The following DCDC1 variants were observed in gnomAD, a reference collection of about 807,000 sequenced individuals.
DCDC1 encodes the protein doublecortin domain containing 1, also known as doublecortin domain-containing protein 1.
DCDC1 carries 200 observed loss-of-function variants against 178.3 expected under a neutral mutation model. The observed-to-expected ratio is 1.12, with a 90% confidence interval of 1.00 to 1.26. DCDC1 has a LOEUF of 1.26. Ranked by LOEUF, DCDC1 falls within the 50% of genes most tolerant of loss-of-function variation. The pLI is 0.00. For synonymous variants in DCDC1, 690 were observed against 604.8 expected (o/e 1.14, Z -2.07); for missense variants, 1,983 against 1,749.2 (o/e 1.13, Z -2.38).
chr11:31,093,279 G>T (rs1297855312), intron 16 of DCDC1, among the ~76,000 whole-genome samples: 2 of 152,118 alleles, frequency 1.3e-5, no homozygotes, highest in African/African-American at 2.4e-5. Context: ...ATAGCTAAGG[G>T]CAATCCAAAA....
At chr11:31,151,833 C>T (rs563677677) in intron 9 of DCDC1, among the ~76,000 whole-genome samples, 1 of 152,122 alleles carries the variant, frequency 6.6e-6, no homozygotes, top group South Asian at 2.1e-4. Flanking sequence ...CAATAGTTAT[C>T]GAAAGGTACA....
At chr11:31,234,584 C>G (rs1976222690) in intron 9 of DCDC1, among the ~76,000 whole-genome samples, 1 of 152,130 alleles carries the variant, frequency 6.6e-6, no homozygotes. Context: ...ACTAGTCAAT[C>G]CTTAAGAGAG....
intron 1 of DCDC1, among the ~76,000 whole-genome samples, chr11:31,355,025 T>C (rs527419220): frequency 6.6e-6 from 1 of 151,942 alleles, no homozygotes; most frequent in Non-Finnish European, 1.5e-5. Flanking sequence ...CCACTGTAAA[T>C]ATAAACTCAA....
At chr11:31,271,522 T>C (rs1945548899) in intron 7 of DCDC1, among the ~76,000 whole-genome samples, 1 of 152,224 alleles carries the variant, frequency 6.6e-6, no homozygotes. Context: ...TTTCTTTTCC[T>C]TTCTTCCCAT....
rs1266854149 is a variant in DCDC1 at position 30,915,573 on chromosome 11, C to T, written c.3591G>A (p.Val1197=). 2 of 1,613,934 alleles carry T rather than the reference C, an allele frequency of 1.2e-6. No individual in the cohort carries two copies. Among genetic ancestry groups the T allele is most frequent in the South Asian group, 2.2e-5 (2 of 91,086 alleles). ...QGPNLRSGME[V]VLVEKKSDGS... ...CATCAGATTTCTTCTCCACCAAAACCACCTCCATGCCTGATCGGAGATTGG... is the reference window on the plus strand; with the variant it reads ...CATCAGATTTCTTCTCCACCAAAACTACCTCCATGCCTGATCGGAGATTGG... The change falls in exon 27 of 39, where the codon GTG becomes GTA. Residue 1197 remains valine, a synonymous_variant. Transcript: ENST00000684477.
chr11:31,295,111 A>C (rs1037146676), intron 6 of DCDC1, among the ~76,000 whole-genome samples: 1 of 152,220 alleles, frequency 6.6e-6, no homozygotes, highest in African/African-American at 2.4e-5. Context: ...AAAATGTAGT[A>C]GTATTTGTAT....
At chr11:30,979,080 C>T (rs1321962491) in intron 20 of DCDC1, among the ~76,000 whole-genome samples, 1 of 152,162 alleles carries the variant, frequency 6.6e-6, no homozygotes, top group African/African-American at 2.4e-5. Flanking sequence ...TGCCCATTAA[C>T]CTCTACTCTC....
intron 11 of DCDC1, among the ~76,000 whole-genome samples, chr11:31,114,866 C>T (rs533338520): frequency 8.0e-4 from 122 of 152,194 alleles, no homozygotes; most frequent in African/African-American, 2.9e-3. Flanking sequence ...AAAGGCAATC[C>T]GAAGCCAGGG....
At chr11:31,080,386 A>G (rs1957103575) in intron 17 of DCDC1, among the ~76,000 whole-genome samples, 1 of 152,222 alleles carries the variant, frequency 6.6e-6, no homozygotes, top group African/African-American at 2.4e-5. Context: ...CAACATCTCA[A>G]TTAGATCAGA....
chr11:30,924,493 A>C (rs1239426637), intron 23 of DCDC1, among the ~76,000 whole-genome samples: 1 of 152,150 alleles, frequency 6.6e-6, no homozygotes, highest in East Asian at 1.9e-4. Flanking sequence ...CAATGCCTCA[A>C]ATTCTATAAA....
chr11:31,083,352 A>C (rs1957299725), intron 17 of DCDC1, among the ~76,000 whole-genome samples: 1 of 152,214 alleles, frequency 6.6e-6, no homozygotes, highest in Admixed American at 6.5e-5. Context: ...TACAGACTAA[A>C]GATAGAAAAG....
At chr11:31,167,896 C>A (rs1291182654) in intron 9 of DCDC1, among the ~76,000 whole-genome samples, 1 of 152,134 alleles carries the variant, frequency 6.6e-6, no homozygotes, top group Non-Finnish European at 1.5e-5. Context: ...GTCAACCCAC[C>A]ATCACTCATC....
intron 9 of DCDC1, among the ~76,000 whole-genome samples, chr11:31,191,473 G>C (rs1024277755): frequency 6.6e-6 from 1 of 152,022 alleles, no homozygotes; most frequent in Non-Finnish European, 1.5e-5. Context: ...GAGTCCTAGA[G>C]GTCCACAGAC....
intron 20 of DCDC1, among the ~76,000 whole-genome samples, chr11:31,052,610 C>T (rs538438313): frequency 2.6e-5 from 4 of 152,178 alleles, no homozygotes; most frequent in South Asian, 4.2e-4. Flanking sequence ...GGCCATAAAA[C>T]GAGCCTCAAT....
chr11:31,282,525 G>C (rs1946522983), intron 7 of DCDC1, among the ~76,000 whole-genome samples: 1 of 151,712 alleles, frequency 6.6e-6, no homozygotes, highest in Admixed American at 6.6e-5. Flanking sequence ...TGATATATTT[G>C]GTTATTTATT....
intron 9 of DCDC1, among the ~76,000 whole-genome samples, chr11:31,231,758 G>A (rs1052343669): frequency 6.6e-6 from 1 of 152,158 alleles, no homozygotes; most frequent in Non-Finnish European, 1.5e-5. Context: ...TCAAAAGGCT[G>A]AGCGTTGCCT....
Position 31,265,606 on chromosome 11 carries a change from C to G in DCDC1, c.961-6G>C. 1 of 1,325,576 alleles carries G rather than the reference C, an allele frequency of 7.5e-7. No homozygotes were observed. Among genetic ancestry groups the G allele is most frequent in the South Asian group, 2.3e-5 (1 of 42,996 alleles). The allele number at this position is 1,325,576 out of a possible 1,614,324, so 82.1% of individuals were successfully genotyped here. The stretch of plus-strand genomic sequence containing the variant: ...ATTGTACAAGTATCTAAAACCTGTG[C>G]AGGAAAAAAAAATTATAAATAATTT... On this transcript the variant is annotated splice_region_variant and splice_polypyrimidine_tract_variant and intron_variant, in intron 7 of 38. Transcript: ENST00000684477.
intron 20 of DCDC1, among the ~76,000 whole-genome samples, chr11:30,961,837 T>G (rs922745994): frequency 2.0e-5 from 3 of 152,010 alleles, no homozygotes; most frequent in Admixed American, 2.0e-4. Context: ...AAATAGCCCA[T>G]CAAAATTCCA....
chr11:31,020,880 G>A (rs748246493), intron 20 of DCDC1, among the ~76,000 whole-genome samples: 20 of 152,118 alleles, frequency 1.3e-4, no homozygotes, highest in Non-Finnish European at 2.2e-4. Context: ...TCACAAAGGG[G>A]TGACTTCCCA....
Sources: gnomAD v4.1 joint callset for allele counts (sites outside exome capture counted in the v4.1 genomes callset) on GRCh38, gnomAD v4.1.1 for gene constraint, MANE v1.5 for transcripts, NCBI Gene and HGNC (gene_info 2026-07-23, HGNC 2026-07-21) for gene names.